Variants in MACROH2A1 observed in about 807,000 individuals in gnomAD.
MACROH2A1 encodes the protein macroH2A.1 histone, also known as core histone macro-H2A.1.
Under a neutral mutation model 31.6 loss-of-function variants are expected in MACROH2A1, and 2 were observed. That is an observed-to-expected ratio of 0.06 (90% CI 0.03 to 0.20). The LOEUF (loss-of-function observed/expected upper bound fraction) is 0.20. Among genes scored for constraint, MACROH2A1 ranks in the 10% least tolerant of loss-of-function variants. The pLI is 1.00. For missense variants in MACROH2A1, 230 were observed against 474.0 expected (o/e 0.49, Z 4.78); for synonymous variants, 169 against 189.6 (o/e 0.89, Z 0.89).
chr5:135,368,779 T>C (rs555550879), intron 4 of MACROH2A1, among the ~76,000 whole-genome samples: 1 of 152,310 alleles, frequency 6.6e-6, no homozygotes, highest in South Asian at 2.1e-4. Context: ...TCCTCCACAC[T>C]GAGGATCATG....
intron 6 of MACROH2A1, chr5:135,350,864 A>C: frequency 6.2e-7 from 1 of 1,613,372 alleles, no homozygotes; most frequent in East Asian, 2.2e-5. Flanking sequence ...TGTCGGGTGA[A>C]CGACAGCATC....
chr5:135,335,393 G>A (rs1181614662), intron 8 of MACROH2A1, among the ~76,000 whole-genome samples: 1 of 152,268 alleles, frequency 6.6e-6, no homozygotes, highest in Non-Finnish European at 1.5e-5. Flanking sequence ...GAAGGCAGTA[G>A]CCAGCAAACA....
Position 135,335,078 on chromosome 5 carries a change from C to T in MACROH2A1, c.1017G>A (p.Val339=). 1.2e-6 allele frequency: 2 copies of T among 1,613,354 alleles called. No individual in the cohort carries two copies. The highest frequency in any genetic ancestry group is 8.5e-7 in the Non-Finnish European group (1 of 1,179,250). ...LILKAISSYF[V]STMSSSIKTV... ...TTTTGATGGAAGAGGACATTGTAGA[C>T]ACGAAGTAACTGGAGATGGCCTTCA... The change falls in exon 9 of 9, where the codon GTG becomes GTA. Residue 339 remains valine, a synonymous_variant. Coordinates refer to ENST00000511689, the MANE Select transcript of MACROH2A1 (RefSeq NM_138610.3).
intron 6 of MACROH2A1, 46 bp from the exon 7 acceptor site, chr5:135,346,103 GCACACAC>G: frequency 9.1e-7 from 1 of 1,099,160 alleles, no homozygotes. Flanking sequence ...TGTGTCTCCG[GCACACAC>G]AGACACTTAG....
chr5:135,377,304 T>C (rs1765009793), intron 2 of MACROH2A1, among the ~76,000 whole-genome samples: 2 of 152,240 alleles, frequency 1.3e-5, no homozygotes, highest in African/African-American at 4.8e-5. Context: ...TCAAGGACTC[T>C]CAATTAAGTT....
chr5:135,392,208 C>T lies in MACROH2A1; in HGVS notation c.-33-3082G>A, dbSNP rs901935930. ...TGGAATTGCTCACTGCTCCATGTTC[C>T]CATAGTATATATATCCCAGCACATG... On this transcript the variant is annotated intron_variant, in intron 1 of 8. Coordinates refer to ENST00000511689, the MANE Select transcript of MACROH2A1 (RefSeq NM_138610.3). 3.9e-5 allele frequency among the ~76,000 whole-genome samples: 6 copies of T among 152,174 alleles called. No homozygotes were observed. The East Asian group carries it at 1.2e-3, about 29-fold the overall frequency.
At chr5:135,378,963 C>T (rs1765281361) in intron 2 of MACROH2A1, among the ~76,000 whole-genome samples, 1 of 152,080 alleles carries the variant, frequency 6.6e-6, no homozygotes, top group African/African-American at 2.4e-5. Flanking sequence ...AAGTTAAGTA[C>T]CCTCATTTTC....
intron 4 of MACROH2A1, chr5:135,361,384 T>TC (rs1160938108): frequency 1.3e-5 from 2 of 152,278 alleles, no homozygotes; most frequent in African/African-American, 4.8e-5. Flanking sequence ...ATAACTACCC[T>TC]CCTCCCACTT....
intron 5 of MACROH2A1, chr5:135,360,199 C>A (rs1176297790): frequency 7.4e-6 from 3 of 402,832 alleles, no homozygotes; most frequent in Admixed American, 4.1e-5. Context: ...ACCAGTTTAT[C>A]CCACAGAAGC....
At chr5:135,385,982 CTTTAGGGA>C (rs1455598434) in intron 2 of MACROH2A1, among the ~76,000 whole-genome samples, 1 of 152,128 alleles carries the variant, frequency 6.6e-6, no homozygotes, top group Non-Finnish European at 1.5e-5. Flanking sequence ...GAGAAAAGGC[CTTTAGGGA>C]AACAAAAGTG....
chr5:135,392,858 A>C (rs1767433915), intron 1 of MACROH2A1, among the ~76,000 whole-genome samples: 1 of 152,206 alleles, frequency 6.6e-6, no homozygotes, highest in African/African-American at 2.4e-5. Flanking sequence ...CTTATCTTTC[A>C]AGTGGAGATG....
chr5:135,371,444 TAA>T (rs1764167166), intron 2 of MACROH2A1, among the ~76,000 whole-genome samples: 2 of 152,142 alleles, frequency 1.3e-5, no homozygotes, highest in African/African-American at 4.8e-5. Flanking sequence ...TGCAAGAAAA[TAA>T]AAACTAGAAG....
intron 7 of MACROH2A1, chr5:135,344,904 T>C (rs1760572537): frequency 6.6e-6 from 1 of 152,344 alleles, no homozygotes; most frequent in Middle Eastern, 3.4e-3. Flanking sequence ...TGCCAAGGGC[T>C]ACCAGCAGGA....
chr5:135,350,968 G>C, intron 6 of MACROH2A1: 1 of 1,206,942 alleles, frequency 8.3e-7, no homozygotes, highest in Non-Finnish European at 1.2e-6. Context: ...CCCACGCACA[G>C]GCACATTTAC....
chr5:135,335,210 C>G (rs1758439794), intron 8 of MACROH2A1, 69 bp from the exon 9 acceptor site: 8 of 1,144,212 alleles, frequency 7.0e-6, no homozygotes, highest in South Asian at 1.3e-5. Context: ...CCCCACCTTA[C>G]AGGCCACCTC....
At chr5:135,347,321 A>T (rs1760969924) in intron 6 of MACROH2A1, 2 of 152,242 alleles carry the variant, frequency 1.3e-5, no homozygotes, top group Non-Finnish European at 2.9e-5. Context: ...AACCAGGGCT[A>T]ATGGCTAGGA....
intron 8 of MACROH2A1, among the ~76,000 whole-genome samples, chr5:135,341,021 G>T (rs536148916): frequency 6.6e-6 from 1 of 152,316 alleles, no homozygotes; most frequent in Non-Finnish European, 1.5e-5. Context: ...TCTTTTATGA[G>T]AATTACTTTT....
intron 5 of MACROH2A1, 49 bp downstream of exon 5, chr5:135,360,448 A>C: frequency 8.2e-7 from 1 of 1,215,270 alleles, no homozygotes; most frequent in Non-Finnish European, 1.2e-6. Flanking sequence ...GCCTGTGCCC[A>C]CCTGTCCCTT....
At chr5:135,343,192 C>T (rs771454184) in intron 8 of MACROH2A1, 68 bp downstream of exon 8, 2 of 1,605,980 alleles carry the variant, frequency 1.2e-6, no homozygotes, top group Admixed American at 3.3e-5. Context: ...GAGAGCACCA[C>T]AATTATGGGC....
Sources: allele counts gnomAD v4.1 joint callset (sites outside exome capture counted in the v4.1 genomes callset), GRCh38; gene constraint gnomAD v4.1.1; transcripts MANE v1.5; gene names NCBI Gene and HGNC (gene_info 2026-07-23, HGNC 2026-07-21).